EYS: variants seen among roughly 807,000 people sequenced by gnomAD.
EYS encodes the protein protein eyes shut homolog.
Under a neutral mutation model 282.1 loss-of-function variants are expected in EYS, and 250 were observed. The ratio of observed to expected loss-of-function variants is 0.89; its 90% CI spans 0.80 to 0.98. EYS has a LOEUF of 0.98. Ranked by LOEUF, EYS falls within the 50% of genes least tolerant of loss-of-function variation. The pLI is 0.00. For synonymous variants in EYS, 1,355 were observed against 1,282.9 expected, an observed-to-expected ratio of 1.06 and a Z score of -1.20; for missense variants, 4,016 against 3,709.0, an observed-to-expected ratio of 1.08 and a Z score of -2.15.
chr6:65,333,977 C>CAT (rs58365446), intron 11 of EYS, among the ~76,000 whole-genome samples: 115 of 148,764 alleles, frequency 7.7e-4, no homozygotes, highest in African/African-American at 1.8e-3. Flanking sequence ...TTCCGTAAAC[C>CAT]ATATATATAT....
chr6:63,852,397 C>T (rs1772283248), intron 36 of EYS, among the ~76,000 whole-genome samples: 1 of 151,974 alleles, frequency 6.6e-6, no homozygotes, highest in East Asian at 1.9e-4. Flanking sequence ...TGATAAATTC[C>T]TGGACACACA....
At chr6:64,280,480 T>A (rs530600884) in intron 30 of EYS, among the ~76,000 whole-genome samples, 59 of 152,250 alleles carry the variant, frequency 3.9e-4, no homozygotes, top group African/African-American at 1.3e-3. Flanking sequence ...TGTAGATGTG[T>A]GACTTCATTC....
intron 2 of EYS, among the ~76,000 whole-genome samples, chr6:65,508,951 G>C (rs1766763701): frequency 6.6e-6 from 1 of 152,154 alleles, no homozygotes; most frequent in East Asian, 1.9e-4. Context: ...AAAAGCCTCT[G>C]AAAGTGTGGG....
rs139913953 is a variant in EYS at position 64,382,093 on chromosome 6, C to T, written c.6078+6597G>A. 4.0e-3 allele frequency among the ~76,000 whole-genome samples: 616 copies of T among 152,308 alleles called. 6 individuals carry two copies. The highest frequency in any genetic ancestry group is 0.014 in the African/African-American group (594 of 41,566). On this transcript the variant is annotated intron_variant, in intron 29 of 42. Transcript: ENST00000503581. Reference sequence around the variant, plus strand: ...TCACTGCAGCAATATTGAACAGCCCCTCCTTCTCAAAACTTTGTTCTTCTG... The same window carrying T: ...TCACTGCAGCAATATTGAACAGCCCTTCCTTCTCAAAACTTTGTTCTTCTG...
At chr6:64,484,739 G>A (rs769818745) in intron 26 of EYS, among the ~76,000 whole-genome samples, 4 of 151,474 alleles carry the variant, frequency 2.6e-5, no homozygotes, top group Admixed American at 6.6e-5. Context: ...AATTCCAGTG[G>A]GTACTTAGGA....
Position 64,052,330 on chromosome 6 carries a change from C to T in EYS, c.6725+14008G>A, listed in dbSNP as rs147483401. Among the ~76,000 whole-genome samples, 14 of 152,210 alleles carry T rather than the reference C, an allele frequency of 9.2e-5. No individual in the cohort carries two copies. The East Asian group carries it at 2.7e-3, about 29-fold the overall frequency. On this transcript the variant is annotated intron_variant, in intron 33 of 42. Transcript: ENST00000503581. ...ACTCACATGTGGTATTTTAAAGCAA[C>T]TGTTTGCTCAAATAATAATTAGTAA...
At chr6:64,000,044 A>T in intron 33 of EYS, among the ~76,000 whole-genome samples, 1 of 151,410 alleles carries the variant, frequency 6.6e-6, no homozygotes, top group Non-Finnish European at 1.5e-5. Context: ...GGGTGATTTC[A>T]TTTCTCATTT....
At chr6:63,853,466 C>T (rs1295303111) in intron 36 of EYS, among the ~76,000 whole-genome samples, 1 of 151,842 alleles carries the variant, frequency 6.6e-6, no homozygotes, top group Non-Finnish European at 1.5e-5. Flanking sequence ...ACAAACCACT[C>T]TTCAAGGAAA....
intron 35 of EYS, among the ~76,000 whole-genome samples, chr6:63,939,991 C>G (rs565885260): frequency 1.3e-4 from 20 of 152,314 alleles, no homozygotes; most frequent in African/African-American, 4.8e-4. Context: ...GAGGTGAGCT[C>G]AAGTGTTTTG....
chr6:65,164,717 C>A (rs900662412), intron 12 of EYS, among the ~76,000 whole-genome samples: 6 of 151,320 alleles, frequency 4.0e-5, no homozygotes, highest in Middle Eastern at 3.4e-3. Flanking sequence ...TTCCAGAGAC[C>A]AAGGTGCCAG....
chr6:64,307,256 G>A (rs1769488312), intron 29 of EYS, among the ~76,000 whole-genome samples, 174 bp from the exon 30 acceptor site: 1 of 152,070 alleles, frequency 6.6e-6, no homozygotes, highest in African/African-American at 2.4e-5. Context: ...AATCCAAAAA[G>A]TAATAGGATT....
intron 5 of EYS, among the ~76,000 whole-genome samples, chr6:65,453,232 T>C (rs9363364): frequency 0.19 from 28,119 of 151,992 alleles, 3,247 homozygotes; most frequent in Middle Eastern, 0.3. Flanking sequence ...CAAACTGTAC[T>C]GTCTAATTGC....
intron 35 of EYS, among the ~76,000 whole-genome samples, chr6:63,950,200 A>C (rs933414151): frequency 8.6e-5 from 13 of 151,032 alleles, no homozygotes; most frequent in East Asian, 1.9e-4. Flanking sequence ...AAAACAAAAA[A>C]AAAAAACAAA....
At chr6:65,681,200 T>C (rs1157472886) in intron 1 of EYS, among the ~76,000 whole-genome samples, 10 of 146,988 alleles carry the variant, frequency 6.8e-5, no homozygotes, top group South Asian at 2.2e-4. Context: ...TTGCCTCCCA[T>C]TGGCCACCAG....
At chr6:64,559,818 G>A (rs547846780) in intron 26 of EYS, among the ~76,000 whole-genome samples, 8 of 151,984 alleles carry the variant, frequency 5.3e-5, no homozygotes, top group Non-Finnish European at 7.4e-5. Flanking sequence ...AGGTAAACTC[G>A]TGTCACAGGG....
intron 29 of EYS, among the ~76,000 whole-genome samples, chr6:64,352,109 C>T (rs910888524): frequency 4.0e-5 from 6 of 151,594 alleles, no homozygotes; most frequent in Admixed American, 3.3e-4. Flanking sequence ...AACACCACTA[C>T]CCATTCTAAT....
At chr6:65,619,726 C>G (rs1330756829) in intron 2 of EYS, among the ~76,000 whole-genome samples, 1 of 151,114 alleles carries the variant, frequency 6.6e-6, no homozygotes, top group Non-Finnish European at 1.5e-5. Context: ...GAGATACGTC[C>G]CATCAATACC....
chr6:63,728,794 T>C (rs1561998094), intron 41 of EYS, among the ~76,000 whole-genome samples: 1 of 152,282 alleles, frequency 6.6e-6, no homozygotes, highest in Non-Finnish European at 1.5e-5. Context: ...CAGTATATCA[T>C]ATAGTTGGAA....
chr6:64,925,822 T>A (rs1583299478), intron 15 of EYS, among the ~76,000 whole-genome samples: 1 of 152,058 alleles, frequency 6.6e-6, no homozygotes, highest in African/African-American at 2.4e-5. Flanking sequence ...GCAGCATAGC[T>A]GGGAACTGGG....
Sources: gnomAD v4.1 joint callset for allele counts (sites outside exome capture counted in the v4.1 genomes callset) on GRCh38, gnomAD v4.1.1 for gene constraint, MANE v1.5 for transcripts, NCBI Gene and HGNC (gene_info 2026-07-23, HGNC 2026-07-21) for gene names.